PPP1R12A: variants seen among roughly 807,000 people sequenced by gnomAD.
PPP1R12A encodes myosin binding subunit.
A neutral mutation model predicts 139.6 loss-of-function variants in PPP1R12A; 19 were observed. That is an observed-to-expected ratio of 0.14 (90% confidence interval 0.09 to 0.20). The LOEUF is 0.20. PPP1R12A is among the 10% of genes least tolerant of loss of function. The pLI, the probability that PPP1R12A is intolerant of heterozygous loss-of-function variation, is 1.00. For missense variants in PPP1R12A, 925 were observed against 1,211.5 expected, an observed-to-expected ratio of 0.76 and a Z score of 3.51; for synonymous variants, 427 against 420.6, an observed-to-expected ratio of 1.02 and a Z score of -0.19.
Position 79,774,394 on chromosome 12 carries a change from A to C in PPP1R12A, c.*1535T>G, listed in dbSNP as rs1225778737. Reference sequence around the variant, plus strand: ...GGCAGTAGAACACAATGACCTTTTAAAATGAAGGGGTACAAATTCACATTT... The same window carrying C: ...GGCAGTAGAACACAATGACCTTTTACAATGAAGGGGTACAAATTCACATTT... On this transcript the variant is annotated 3_prime_UTR_variant, in exon 25 of 25. Coordinates refer to ENST00000450142, the MANE Select transcript of PPP1R12A (RefSeq NM_002480.3). 13 of 152,572 alleles carry C rather than the reference A, an allele frequency of 8.5e-5. No individual in the cohort carries two copies. The highest frequency in any genetic ancestry group is 1.8e-4 in the Non-Finnish European group (12 of 68,002). 9.5% of individuals were successfully genotyped at this position (152,572 alleles called of 1,614,324 possible).
At chr12:79,802,562 T>G (rs1268576366) in intron 14 of PPP1R12A, among the ~76,000 whole-genome samples, 2 of 152,130 alleles carry the variant, frequency 1.3e-5, no homozygotes, top group Admixed American at 1.3e-4. Context: ...GTGGGAAGAC[T>G]GCTTGTGGCC....
At chr12:79,813,012 C>T (rs1206721412) in intron 9 of PPP1R12A, among the ~76,000 whole-genome samples, 1 of 152,182 alleles carries the variant, frequency 6.6e-6, no homozygotes. Context: ...AGCCTCTCAT[C>T]TTCAAATCTG....
At chr12:79,919,836 A>G (rs1442888831) in intron 1 of PPP1R12A, among the ~76,000 whole-genome samples, 1 of 152,192 alleles carries the variant, frequency 6.6e-6, no homozygotes, top group African/African-American at 2.4e-5. Context: ...CAGTGCCTCA[A>G]TTTTTAGTAG....
At chr12:79,915,980 T>A (rs1418334779) in intron 1 of PPP1R12A, among the ~76,000 whole-genome samples, 6 of 142,502 alleles carry the variant, frequency 4.2e-5, no homozygotes. Flanking sequence ...CCCAGTTATG[T>A]TTCTAAACCT....
At chr12:79,889,382 A>G (rs1884388717) in intron 1 of PPP1R12A, among the ~76,000 whole-genome samples, 1 of 152,168 alleles carries the variant, frequency 6.6e-6, no homozygotes, top group African/African-American at 2.4e-5. Context: ...TTTCTCCACC[A>G]GCCTAGTGAT....
chr12:79,805,188 C>T (rs1348866634), intron 14 of PPP1R12A, among the ~76,000 whole-genome samples: 1 of 152,122 alleles, frequency 6.6e-6, no homozygotes, highest in Non-Finnish European at 1.5e-5. Flanking sequence ...AGTTCAACAT[C>T]CTTCAAATTT....
At chr12:79,805,541 T>C (rs1429831804) in intron 14 of PPP1R12A, 51 bp downstream of exon 14, 1 of 1,538,946 alleles carries the variant, frequency 6.5e-7, no homozygotes. Flanking sequence ...AAAAAACAAC[T>C]TTCATCACTG....
intron 2 of PPP1R12A, among the ~76,000 whole-genome samples, chr12:79,868,955 T>C (rs1882279754): frequency 6.6e-6 from 1 of 152,204 alleles, no homozygotes; most frequent in African/African-American, 2.4e-5. Flanking sequence ...GTAGTAACAT[T>C]CTTAAGAATG....
intron 9 of PPP1R12A, among the ~76,000 whole-genome samples, chr12:79,811,349 AAGTGCTCCAG>A (rs1874505744): frequency 6.6e-6 from 1 of 152,166 alleles, no homozygotes; most frequent in Non-Finnish European, 1.5e-5. Context: ...ATGTGCACCA[AAGTGCTCCAG>A]AGTGTCACAA....
At chr12:79,805,913 A>G in intron 13 of PPP1R12A, 145 bp from the exon 14 acceptor site, 1 of 996,842 alleles carries the variant, frequency 1.0e-6, no homozygotes, top group South Asian at 1.8e-5. Context: ...TATGAACCAA[A>G]AAGCTCACCC....
At chr12:79,884,881 A>C (rs1883967037) in intron 1 of PPP1R12A, among the ~76,000 whole-genome samples, 1 of 152,212 alleles carries the variant, frequency 6.6e-6, no homozygotes, top group Non-Finnish European at 1.5e-5. Context: ...ACACATGTTC[A>C]TAAGGAAAAA....
In PPP1R12A at chr12:79,872,735, C is replaced by T. The variant is rs1033825334; in HGVS notation, c.368+73G>A. On this transcript the variant is annotated intron_variant, in intron 2 of 24. Transcript: ENST00000450142. Reference sequence around the variant, plus strand: ...GTAATATAAGAGTTCACTCATTTATCTTTATCACTTCAATAAACATTCAGG... The same window carrying T: ...GTAATATAAGAGTTCACTCATTTATTTTTATCACTTCAATAAACATTCAGG... 38 of 1,473,910 alleles carry T rather than the reference C, an allele frequency of 2.6e-5. No homozygotes were observed. The African/African-American group carries it at 4.9e-4, about 19-fold the overall frequency. 91.3% of individuals were successfully genotyped at this position (1,473,910 alleles called of 1,614,324 possible).
At chr12:79,832,536 T>C (rs769010683) in intron 3 of PPP1R12A, 45 bp from the exon 4 acceptor site, 27 of 1,528,630 alleles carry the variant, frequency 1.8e-5, no homozygotes, top group Non-Finnish European at 1.6e-5. Context: ...TTAAAAATTG[T>C]TCCATGTTGG....
At chr12:79,922,869 T>C (rs775329702) in intron 1 of PPP1R12A, among the ~76,000 whole-genome samples, 11 of 152,150 alleles carry the variant, frequency 7.2e-5, no homozygotes, top group Non-Finnish European at 1.2e-4. Context: ...TAAAAAGTAT[T>C]TTGTATAAAC....
rs189703647 is a variant in PPP1R12A, at chr12:79,836,415, T to C, written c.488-3924A>G. Among the ~76,000 whole-genome samples, 417 of 152,316 alleles carry C rather than the reference T, an allele frequency of 2.7e-3. 4 individuals are homozygous for C. Among genetic ancestry groups the C allele is most frequent in the Middle Eastern group, 3.4e-3 (1 of 294 alleles). ...TAAACGTTCTGATTTTTATTGTCTTTTACTATTCTGTTTCCTTTGAACTTC... is the reference window on the plus strand; with the variant it reads ...TAAACGTTCTGATTTTTATTGTCTTCTACTATTCTGTTTCCTTTGAACTTC... On this transcript the variant is annotated intron_variant, in intron 3 of 24. Coordinates refer to ENST00000450142, the MANE Select transcript of PPP1R12A (RefSeq NM_002480.3).
chr12:79,874,085 G>T (rs190238823), intron 1 of PPP1R12A, among the ~76,000 whole-genome samples: 1 of 152,170 alleles, frequency 6.6e-6, no homozygotes, highest in African/African-American at 2.4e-5. Context: ...AGACCATCCT[G>T]GCCAACATGG....
intron 3 of PPP1R12A, among the ~76,000 whole-genome samples, chr12:79,843,235 C>G (rs1223506258): frequency 6.6e-6 from 1 of 151,992 alleles, no homozygotes; most frequent in Admixed American, 6.5e-5. Context: ...TTTGTACACC[C>G]ATGTTTGTAC....
chr12:79,791,917 C>T (rs1301458925), intron 19 of PPP1R12A, among the ~76,000 whole-genome samples: 2 of 151,988 alleles, frequency 1.3e-5, no homozygotes, highest in African/African-American at 2.4e-5. Flanking sequence ...TTGTAACTTG[C>T]TTATTTCATT....
chr12:79,908,390 A>C (rs1313136269), intron 1 of PPP1R12A, among the ~76,000 whole-genome samples: 1 of 152,170 alleles, frequency 6.6e-6, no homozygotes, highest in Non-Finnish European at 1.5e-5. Flanking sequence ...ATAATAGAAG[A>C]CCCAAATGCC....
Sources: gnomAD v4.1 joint callset for allele counts (sites outside exome capture counted in the v4.1 genomes callset) on GRCh38, gnomAD v4.1.1 for gene constraint, MANE v1.5 for transcripts, NCBI Gene and HGNC (gene_info 2026-07-23, HGNC 2026-07-21) for gene names.